The following ACOT12 variants were observed in gnomAD, a reference collection of about 807,000 sequenced individuals.
ACOT12 encodes acyl-CoA thioesterase 12.
Under a neutral mutation model 67.7 loss-of-function variants are expected in ACOT12, and 51 were observed. The observed-to-expected ratio is 0.75, with a 90% confidence interval of 0.60 to 0.95. The LOEUF (loss-of-function observed/expected upper bound fraction) is 0.95, where lower values mean the gene tolerates loss of function less well. Ranked by LOEUF, ACOT12 falls within the 40% of genes least tolerant of loss-of-function variation. ACOT12 has a pLI of 0.00. For synonymous variants in ACOT12, 251 were observed against 244.6 expected (o/e 1.03, Z -0.24); for missense variants, 734 against 708.1 (o/e 1.04, Z -0.41).
the ACOT12 span, among the ~76,000 whole-genome samples, chr5:81,311,932 T>C: frequency 1.7e-4 from 24 of 144,354 alleles, no homozygotes; most frequent in South Asian, 1.8e-3. Context: ...GTGCTTCTTA[T>C]GGAAAGAGCA....
Position 81,344,163 on chromosome 5 carries a change from C to T in ACOT12, c.977G>A (p.Gly326Asp). Residue 326 changes from glycine to aspartate, a missense_variant, in exon 9 of 15, where the codon GGC (glycine) becomes GAC (aspartate). Transcript: ENST00000307624. Reference protein sequence around the residue: ...GAIARKRIRLGRKYVISHKEE... With the variant: ...GAIARKRIRLDRKYVISHKEE... The stretch of plus-strand genomic sequence containing the variant: ...CATTACACCTTATGTTCCTTACCTG[C>T]CTAGGCGAATTCGCTTGCGTGCAAT... 6.2e-7 allele frequency: 1 copy of T among 1,613,696 alleles called. No individual in the cohort carries two copies. The highest frequency in any genetic ancestry group is 1.1e-5 in the South Asian group (1 of 90,952).
rs531593477 is a variant in ACOT12 at position 81,338,630 on chromosome 5, TACGCCAACTCAA to T, written c.1129-2741_1129-2730del. Among the ~76,000 whole-genome samples the T allele has an allele frequency of 8.4e-4, 128 of 152,316 alleles. No homozygotes were observed. The Middle Eastern group carries it at 0.014, about 16-fold the overall frequency. On this transcript the variant is annotated intron_variant, in intron 11 of 14. Coordinates refer to ENST00000307624, the MANE Select transcript of ACOT12 (RefSeq NM_130767.3). Reference sequence around the variant, plus strand: ...TTATAGCAATGTGAGGATGAACTAATACGCCAACTCAAACGTTTTCTTTATCATTTGATGGTT... The same window carrying T: ...TTATAGCAATGTGAGGATGAACTAATACGTTTTCTTTATCATTTGATGGTT...
chr5:81,347,890 C>T lies in ACOT12; in HGVS notation c.537G>A (p.Arg179=). ...GTTCAATGCTCTGAACGGAGGTGCC[C>T]CTTGTGGAAACCGCTCCTTCCTCTT... The part of the protein sequence containing the change: ...FDEEEGAVST[R]GTSVQSIELV... Residue 179 remains arginine (R), a synonymous_variant, in exon 6 of 15, where the codon AGG becomes AGA. Coordinates refer to ENST00000307624, the MANE Select transcript of ACOT12 (RefSeq NM_130767.3). The T allele has an allele frequency of 6.2e-7, 1 of 1,613,864 alleles. No homozygotes were observed. Among genetic ancestry groups the T allele is most frequent in the Non-Finnish European group, 8.5e-7 (1 of 1,179,924 alleles).
the ACOT12 span, among the ~76,000 whole-genome samples, chr5:81,315,542 G>A: frequency 4.6e-5 from 7 of 152,310 alleles, no homozygotes; most frequent in Non-Finnish European, 7.3e-5. Context: ...AATGTATGAA[G>A]CATTTGCATT....
chr5:81,376,594 G>A (rs571182179), intron 2 of ACOT12, among the ~76,000 whole-genome samples: 213 of 151,622 alleles, frequency 1.4e-3, no homozygotes, highest in South Asian at 3.1e-3. Flanking sequence ...ACCCCTATCC[G>A]GACTAATAAA....
At chr5:81,342,791 T>C in intron 10 of ACOT12, 36 bp from the exon 11 acceptor site, 1 of 1,591,264 alleles carries the variant, frequency 6.3e-7, no homozygotes, top group Non-Finnish European at 8.6e-7. Flanking sequence ...AAGCTATGTG[T>C]TCAATACATG....
At chr5:81,393,080 A>C (rs1760905623) in intron 1 of ACOT12, among the ~76,000 whole-genome samples, 1 of 152,216 alleles carries the variant, frequency 6.6e-6, no homozygotes, top group South Asian at 2.1e-4. Context: ...GTCCTTAATA[A>C]ATGTTTTTGC....
At chr5:81,375,836 G>A (rs892342640) in intron 2 of ACOT12, among the ~76,000 whole-genome samples, 7 of 152,132 alleles carry the variant, frequency 4.6e-5, no homozygotes, top group African/African-American at 1.7e-4. Context: ...CAGATTCATA[G>A]AGAAAGTTCT....
chr5:81,384,448 T>C (rs568255555), intron 2 of ACOT12, among the ~76,000 whole-genome samples: 2 of 152,118 alleles, frequency 1.3e-5, no homozygotes, highest in Non-Finnish European at 2.9e-5. Context: ...AGGTGTACCA[T>C]TTTTTCATCT....
intron 3 of ACOT12, among the ~76,000 whole-genome samples, chr5:81,369,231 T>C (rs966639885): frequency 4.6e-5 from 7 of 151,672 alleles, no homozygotes; most frequent in South Asian, 2.1e-4. Flanking sequence ...TAGTAATGCA[T>C]CACACACCTT....
intron 1 of ACOT12, among the ~76,000 whole-genome samples, chr5:81,388,941 C>T (rs1760798657): frequency 6.6e-6 from 1 of 152,220 alleles, no homozygotes; most frequent in African/African-American, 2.4e-5. Context: ...TAAGAAGTGC[C>T]TTCCACCTTC....
At chr5:81,353,444 C>T (rs73126062) in intron 5 of ACOT12, among the ~76,000 whole-genome samples, 23,070 of 152,124 alleles carry the variant, frequency 0.15, 1,958 homozygotes, top group Middle Eastern at 0.24. Flanking sequence ...GTGTCATCAA[C>T]CTGCTTTGAC....
rs143599174 is a variant in ACOT12 at position 81,394,034 on chromosome 5, G to T, written c.81C>A (p.Ser27Arg). ...CGATCCACTTGAGCAGCTGCCCCGC[G>T]CTCAGCTCGCCGCGCGCAGTGGCGT... ...PAHATARGEL[S>R]AGQLLKWIDT... The change falls in exon 1 of 15, where the codon AGC (serine) becomes AGA (arginine). Residue 27 changes from serine (S) to arginine (R), a missense_variant. By Grantham distance (110) the Ser-to-Arg change is moderately radical (BLOSUM62 -1). Transcript: ENST00000307624. 2.0e-6 allele frequency: 3 copies of T among 1,469,232 alleles called. No homozygotes were observed. Among genetic ancestry groups the T allele is most frequent in the Middle Eastern group, 4.7e-4 (2 of 4,288 alleles). 91.0% of individuals were successfully genotyped at this position (1,469,232 alleles called of 1,614,324 possible).
the ACOT12 span, chr5:81,312,690 A>G: frequency 9.2e-6 from 14 of 1,517,578 alleles, no homozygotes; most frequent in Non-Finnish European, 1.3e-5. Context: ...ATGAGTTACT[A>G]CCTCATTGTT....
intron 1 of ACOT12, among the ~76,000 whole-genome samples, chr5:81,386,799 T>C (rs1760734710): frequency 6.6e-6 from 1 of 152,104 alleles, no homozygotes; most frequent in South Asian, 2.1e-4. Context: ...ACATGAGAGA[T>C]ACCCCACTGC....
chr5:81,348,485 T>C (rs958747128), intron 5 of ACOT12, among the ~76,000 whole-genome samples: 1 of 152,148 alleles, frequency 6.6e-6, no homozygotes, highest in African/African-American at 2.4e-5. Context: ...AGAATGGAAA[T>C]GTGGCCTCCT....
chr5:81,309,619 T>C, the ACOT12 span, among the ~76,000 whole-genome samples: 1 of 152,250 alleles, frequency 6.6e-6, no homozygotes, highest in Non-Finnish European at 1.5e-5. Flanking sequence ...TAGACGTTTC[T>C]TGTGTCATGT....
chr5:81,315,889 G>A, the ACOT12 span, among the ~76,000 whole-genome samples: 1 of 152,118 alleles, frequency 6.6e-6, no homozygotes, highest in Non-Finnish European at 1.5e-5. Context: ...GTTTTTCTGT[G>A]TCATTTATCA....
intron 10 of ACOT12, among the ~76,000 whole-genome samples, chr5:81,343,239 A>G (rs975475085): frequency 6.6e-6 from 1 of 151,654 alleles, no homozygotes; most frequent in Non-Finnish European, 1.5e-5. Context: ...GCAAAAACGA[A>G]AAAAAAACAA....
Sources: allele counts gnomAD v4.1 joint callset (sites outside exome capture counted in the v4.1 genomes callset), GRCh38; gene constraint gnomAD v4.1.1; transcripts MANE v1.5; gene names NCBI Gene and HGNC (gene_info 2026-07-23, HGNC 2026-07-21).